SNTB1: variants seen among roughly 807,000 people sequenced by gnomAD.
SNTB1 encodes the protein beta-1-syntrophin.
In SNTB1, 36 loss-of-function variants were observed where a neutral mutation model predicts 48.9. That is an observed-to-expected ratio of 0.74 (90% CI 0.56 to 0.97). The LOEUF (loss-of-function observed/expected upper bound fraction) is 0.97, where lower values mean the gene tolerates loss of function less well. Among genes scored for constraint, SNTB1 ranks in the 50% least tolerant of loss-of-function variants. The probability of loss-of-function intolerance (pLI) is 0.00; values close to 1 mark genes in which losing one functional copy is unlikely to be tolerated. For missense variants in SNTB1, 786 were observed against 703.4 expected, an observed-to-expected ratio of 1.12 and a Z score of -1.33; for synonymous variants, 299 against 294.6, an observed-to-expected ratio of 1.01 and a Z score of -0.15.
intron 3 of SNTB1, among the ~76,000 whole-genome samples, chr8:120,604,784 T>C (rs750646165): frequency 1.1e-4 from 17 of 152,226 alleles, no homozygotes; most frequent in Non-Finnish European, 1.9e-4. Flanking sequence ...CAGACAACTA[T>C]TCCAAAAATA....
At chr8:120,590,712 G>T (rs561219172) in intron 3 of SNTB1, among the ~76,000 whole-genome samples, 9 of 139,770 alleles carry the variant, frequency 6.4e-5, no homozygotes, top group East Asian at 6.4e-4. Flanking sequence ...AGACAGAGTC[G>T]CTCTGTAGTC....
chr8:120,811,729 C>G lies in SNTB1; in HGVS notation c.115G>C (p.Val39Leu), dbSNP rs1220436733. ...LVRDRWHKVL[V>L]NLSEDALVLS... ...ACCAGGGCGTCCTCGCTCAAGTTCA[C>G]CAGAACTTTGTGCCAGCGATCCCGC... The change falls in exon 1 of 7, where the codon GTG becomes CTG. Residue 39 changes from valine (V) to leucine (L), a missense_variant. By Grantham distance (32) the Val-to-Leu change is conservative (BLOSUM62 1). Transcript: ENST00000517992. 6 of 1,563,780 alleles carry G rather than the reference C, an allele frequency of 3.8e-6. No homozygotes were observed. Among genetic ancestry groups the G allele is most frequent in the Non-Finnish European group, 5.2e-6 (6 of 1,159,716 alleles).
intron 3 of SNTB1, among the ~76,000 whole-genome samples, chr8:120,585,738 T>G (rs1816128989): frequency 7.4e-5 from 1 of 13,456 alleles, no homozygotes; most frequent in Non-Finnish European, 4.3e-4. Context: ...CAAATCCTGT[T>G]TTTTTTGCTG....
intron 1 of SNTB1, among the ~76,000 whole-genome samples, chr8:120,785,524 C>G (rs78645153): frequency 1.3e-5 from 2 of 152,236 alleles, no homozygotes; most frequent in African/African-American, 4.8e-5. Flanking sequence ...CTCACTGGAA[C>G]ATTACTGCAG....
At chr8:120,618,500 C>G (rs6988919) in intron 3 of SNTB1, among the ~76,000 whole-genome samples, 85,498 of 152,118 alleles carry the variant, frequency 0.56, 27,260 homozygotes, top group African/African-American at 0.86. Context: ...CATAGTCCCA[C>G]TACTTTCACT....
intron 2 of SNTB1, among the ~76,000 whole-genome samples, chr8:120,664,583 T>G (rs547918658): frequency 6.6e-6 from 1 of 152,226 alleles, no homozygotes; most frequent in Non-Finnish European, 1.5e-5. Flanking sequence ...TTAAGATTCA[T>G]CCATGTTGTA....
At chr8:120,673,293 T>G (rs1263033725) in intron 2 of SNTB1, among the ~76,000 whole-genome samples, 1 of 150,388 alleles carries the variant, frequency 6.6e-6, no homozygotes, top group Non-Finnish European at 1.5e-5. Flanking sequence ...CTTTTTTCTT[T>G]CTTTTTTTTT....
intron 2 of SNTB1, among the ~76,000 whole-genome samples, chr8:120,687,641 G>A (rs976956926): frequency 1.3e-5 from 2 of 152,192 alleles, no homozygotes. Flanking sequence ...TTCTTGTGTA[G>A]CTTATCTACT....
intron 2 of SNTB1, among the ~76,000 whole-genome samples, chr8:120,659,266 T>C (rs927729257): frequency 6.6e-6 from 1 of 152,136 alleles, no homozygotes; most frequent in Non-Finnish European, 1.5e-5. Flanking sequence ...GCCTGGCTAT[T>C]TTATGTAATA....
intron 3 of SNTB1, among the ~76,000 whole-genome samples, chr8:120,600,150 C>T (rs1262022507): frequency 6.6e-6 from 1 of 152,210 alleles, no homozygotes; most frequent in Non-Finnish European, 1.5e-5. Context: ...CTCCTCTGGG[C>T]AGGCCCCATG....
chr8:120,655,557 C>T (rs1319773761), intron 2 of SNTB1, among the ~76,000 whole-genome samples: 1 of 152,154 alleles, frequency 6.6e-6, no homozygotes, highest in Non-Finnish European at 1.5e-5. Flanking sequence ...AAAACTGGAA[C>T]TAGAACCAAA....
intron 2 of SNTB1, among the ~76,000 whole-genome samples, chr8:120,663,024 T>A (rs866991828): frequency 1.9e-5 from 1 of 52,014 alleles, no homozygotes; most frequent in African/African-American, 7.2e-5. Context: ...GGGGGGCTGG[T>A]GGGGGGGGTA....
intron 2 of SNTB1, among the ~76,000 whole-genome samples, chr8:120,672,272 G>C (rs1166801678): frequency 1.3e-5 from 2 of 152,202 alleles, no homozygotes; most frequent in East Asian, 3.8e-4. Context: ...CATGTAAGTT[G>C]AGGAGCATCT....
chr8:120,699,618 C>T (rs976608687), intron 1 of SNTB1, among the ~76,000 whole-genome samples: 2 of 152,206 alleles, frequency 1.3e-5, no homozygotes, highest in Non-Finnish European at 2.9e-5. Flanking sequence ...CCAATTAAAC[C>T]TCTTTCCTTT....
intron 3 of SNTB1, among the ~76,000 whole-genome samples, chr8:120,613,287 G>C (rs1425960721): frequency 1.3e-5 from 2 of 152,118 alleles, no homozygotes; most frequent in Admixed American, 1.3e-4. Context: ...GGAGGTGGAG[G>C]CTGCAGTGAG....
At chr8:120,649,019 A>G (rs1817356742) in intron 2 of SNTB1, among the ~76,000 whole-genome samples, 1 of 148,300 alleles carries the variant, frequency 6.7e-6, no homozygotes, top group Non-Finnish European at 1.5e-5. Context: ...CAGCTCCATC[A>G]GCTCCTTTAA....
At chr8:120,652,003 C>T (rs1817417992) in intron 2 of SNTB1, among the ~76,000 whole-genome samples, 1 of 152,052 alleles carries the variant, frequency 6.6e-6, no homozygotes, top group African/African-American at 2.4e-5. Context: ...GACAGGAGGA[C>T]AAAATTGGAA....
At chr8:120,737,968 T>A (rs1032945293) in intron 1 of SNTB1, among the ~76,000 whole-genome samples, 6 of 152,174 alleles carry the variant, frequency 3.9e-5, no homozygotes, top group Non-Finnish European at 8.8e-5. Flanking sequence ...GTGGACCAAC[T>A]GCTATGGTCT....
At chr8:120,794,569 T>C (rs1372635302) in intron 1 of SNTB1, among the ~76,000 whole-genome samples, 3 of 148,178 alleles carry the variant, frequency 2.0e-5, no homozygotes, top group Non-Finnish European at 4.4e-5. Flanking sequence ...CTGTTATTAA[T>C]GATAATCTTG....
Sources: gnomAD v4.1 joint callset for allele counts (sites outside exome capture counted in the v4.1 genomes callset) on GRCh38, gnomAD v4.1.1 for gene constraint, MANE v1.5 for transcripts, NCBI Gene and HGNC (gene_info 2026-07-23, HGNC 2026-07-21) for gene names.